Variants in GNAQ observed in about 807,000 individuals in gnomAD.
GNAQ encodes the protein guanine nucleotide-binding protein G(q) subunit alpha.
In GNAQ, 8 loss-of-function variants were observed where a neutral mutation model predicts 43.9. That is an observed-to-expected ratio of 0.18 (90% CI 0.11 to 0.33). GNAQ has a LOEUF of 0.33. GNAQ is among the 10% of genes least tolerant of loss of function. The pLI is 1.00. For missense variants in GNAQ, 158 were observed against 450.8 expected (o/e 0.35, Z 5.88); for synonymous variants, 155 against 170.7 (o/e 0.91, Z 0.71).
chr9:77,846,901 CG>C (rs1198163007), intron 2 of GNAQ, among the ~76,000 whole-genome samples: 1 of 152,122 alleles, frequency 6.6e-6, no homozygotes, highest in Non-Finnish European at 1.5e-5. Flanking sequence ...CTGAGGCTCA[CG>C]AACTTCACTG....
intron 5 of GNAQ, among the ~76,000 whole-genome samples, chr9:77,775,005 T>C (rs1328531): frequency 0.12 from 17,871 of 152,180 alleles, 1,234 homozygotes; most frequent in South Asian, 0.19. Flanking sequence ...AATATCTGTA[T>C]TATATGTCTT....
chr9:77,895,439 T>G (rs926675211), intron 2 of GNAQ, among the ~76,000 whole-genome samples: 1 of 152,108 alleles, frequency 6.6e-6, no homozygotes, highest in South Asian at 2.1e-4. Context: ...ACTGCAGTGT[T>G]AGGCACTGTA....
chr9:77,858,042 G>A (rs953541575), intron 2 of GNAQ, among the ~76,000 whole-genome samples: 3 of 152,084 alleles, frequency 2.0e-5, no homozygotes, highest in African/African-American at 7.2e-5. Flanking sequence ...GTACCAAGTA[G>A]GAAAGTTACT....
intron 2 of GNAQ, among the ~76,000 whole-genome samples, chr9:77,837,010 T>C (rs1827398687): frequency 6.6e-6 from 1 of 152,160 alleles, no homozygotes; most frequent in South Asian, 2.1e-4. Flanking sequence ...TTCTCTATAA[T>C]CTTGTAGGAG....
At chr9:77,849,547 C>T (rs979969871) in intron 2 of GNAQ, among the ~76,000 whole-genome samples, 1 of 152,160 alleles carries the variant, frequency 6.6e-6, no homozygotes, top group Non-Finnish European at 1.5e-5. Context: ...GTCATCTGGT[C>T]ATCCGTACTG....
chr9:77,756,241 A>T (rs1177822894), intron 5 of GNAQ, among the ~76,000 whole-genome samples: 1 of 152,196 alleles, frequency 6.6e-6, no homozygotes, highest in Non-Finnish European at 1.5e-5. Flanking sequence ...CCCGTTATGT[A>T]TACATCTATC....
intron 3 of GNAQ, among the ~76,000 whole-genome samples, chr9:77,806,507 A>G (rs987864798): frequency 6.6e-6 from 1 of 152,228 alleles, no homozygotes; most frequent in Non-Finnish European, 1.5e-5. Flanking sequence ...AGCACCGATG[A>G]ATCAATTAAG....
At chr9:77,762,154 C>T (rs1471086841) in intron 5 of GNAQ, among the ~76,000 whole-genome samples, 2 of 138,664 alleles carry the variant, frequency 1.4e-5, no homozygotes, top group Non-Finnish European at 1.6e-5. Flanking sequence ...GCCAGCCGCC[C>T]CGTCCGGGAG....
At chr9:77,906,692 T>C (rs1828715489) in intron 2 of GNAQ, among the ~76,000 whole-genome samples, 1 of 152,266 alleles carries the variant, frequency 6.6e-6, no homozygotes, top group African/African-American at 2.4e-5. Context: ...TGTAACCTGC[T>C]GCAAAGCTAT....
chr9:77,757,367 G>A (rs1825921028), intron 5 of GNAQ, among the ~76,000 whole-genome samples: 1 of 152,058 alleles, frequency 6.6e-6, no homozygotes, highest in Non-Finnish European at 1.5e-5. Flanking sequence ...CACCAGATCT[G>A]CAAATAATCA....
chr9:77,837,175 GTCTT>G (rs1190777457), intron 2 of GNAQ, among the ~76,000 whole-genome samples: 2 of 152,076 alleles, frequency 1.3e-5, no homozygotes, highest in Admixed American at 1.3e-4. Context: ...ATGTTAATCA[GTCTT>G]TCTCTCTATT....
chr9:77,745,939 C>G (rs2118275607), intron 5 of GNAQ, among the ~76,000 whole-genome samples: 1 of 152,022 alleles, frequency 6.6e-6, no homozygotes, highest in South Asian at 2.1e-4. Context: ...GAAAGAATAC[C>G]TATACCAAAA....
At chr9:77,886,903 G>T (rs1015478284) in intron 2 of GNAQ, among the ~76,000 whole-genome samples, 1 of 151,216 alleles carries the variant, frequency 6.6e-6, no homozygotes, top group African/African-American at 2.4e-5. Flanking sequence ...GAGGTCAGGG[G>T]TTCAAGACCA....
intron 1 of GNAQ, among the ~76,000 whole-genome samples, chr9:78,020,636 G>C (rs1328099283): frequency 1.3e-5 from 2 of 152,148 alleles, no homozygotes; most frequent in Admixed American, 1.3e-4. Context: ...TCCTGATTGA[G>C]AACATCAATC....
intron 5 of GNAQ, among the ~76,000 whole-genome samples, chr9:77,732,428 T>A (rs1463203647): frequency 6.7e-6 from 1 of 148,286 alleles, no homozygotes; most frequent in African/African-American, 2.5e-5. Context: ...TGCAGTTGCG[T>A]GATCTCAGCT....
rs1825408385 is a variant in GNAQ at position 77,727,086 on chromosome 9, A to G, written c.889+1428T>C. On this transcript the variant is annotated intron_variant, in intron 6 of 6. Transcript: ENST00000286548. ...TGTGATTATCTTGCCAAATAAATAA[A>G]CTTTTTTTTTTTTTTTTTTGAGACA... Among the ~76,000 whole-genome samples, 3 of 121,158 alleles carry G rather than the reference A, an allele frequency of 2.5e-5. No individual in the cohort carries two copies. The South Asian group carries it at 8.5e-4, about 34-fold the overall frequency. The allele number at this position is 121,158 out of a possible 152,430, so 79.5% of individuals were successfully genotyped here. A position where few individuals can be genotyped will look rare whatever the true frequency, so the allele number is the denominator to read the frequency against.
chr9:77,826,884 C>T (rs936231962), intron 2 of GNAQ, among the ~76,000 whole-genome samples: 1 of 152,196 alleles, frequency 6.6e-6, no homozygotes, highest in East Asian at 1.9e-4. Context: ...CCTTACACAA[C>T]CCTTTTTTTG....
chr9:77,973,795 G>A (rs1823267680), intron 1 of GNAQ, among the ~76,000 whole-genome samples: 2 of 152,122 alleles, frequency 1.3e-5, no homozygotes, highest in South Asian at 4.1e-4. Flanking sequence ...TCCAGCCTGG[G>A]CGACAGAGTG....
At chr9:77,837,860 T>TC (rs975739324) in intron 2 of GNAQ, among the ~76,000 whole-genome samples, 19 of 150,316 alleles carry the variant, frequency 1.3e-4, no homozygotes, top group Non-Finnish European at 2.7e-4. Context: ...TTTTTTTTTT[T>TC]TTTTTTGAGA....
Sources: gnomAD v4.1 joint callset for allele counts (sites outside exome capture counted in the v4.1 genomes callset) on GRCh38, gnomAD v4.1.1 for gene constraint, MANE v1.5 for transcripts, NCBI Gene and HGNC (gene_info 2026-07-23, HGNC 2026-07-21) for gene names.